ERC1: variants seen among roughly 807,000 people sequenced by gnomAD.
ERC1 encodes RAB6 interacting protein 2.
In ERC1, 56 loss-of-function variants were observed where a neutral mutation model predicts 132.0. That is an observed-to-expected ratio of 0.42 (90% CI 0.34 to 0.53). The LOEUF is 0.53. Ranked by LOEUF, ERC1 falls within the 20% of genes least tolerant of loss-of-function variation. The pLI is 0.03. For missense variants in ERC1, 1,202 were observed against 1,349.9 expected, an observed-to-expected ratio of 0.89 and a Z score of 1.72; for synonymous variants, 478 against 476.1, an observed-to-expected ratio of 1.00 and a Z score of -0.05.
intron 7 of ERC1, among the ~76,000 whole-genome samples, chr12:1,131,087 C>T (rs74057075): frequency 0.03 from 4,545 of 152,208 alleles, 229 homozygotes; most frequent in African/African-American, 0.1. Context: ...TTAAAAATGT[C>T]TCATTCTAAA....
In ERC1 at chr12:1,033,597, A is replaced by G. The variant is rs528700962; in HGVS notation, c.669+5025A>G. Among the ~76,000 whole-genome samples, 6 of 151,218 alleles carry G rather than the reference A, an allele frequency of 4.0e-5. No individual in the cohort carries two copies. The South Asian group carries it at 1.1e-3, about 26-fold the overall frequency. On this transcript the variant is annotated intron_variant, in intron 2 of 18. Transcript: ENST00000360905. Reference sequence around the variant, plus strand: ...TTCTGCCTCACCCTCCCGAGTGGCCAGGATTACAGGCGTGTGCCACCATGC... The same window carrying G: ...TTCTGCCTCACCCTCCCGAGTGGCCGGGATTACAGGCGTGTGCCACCATGC...
intron 2 of ERC1, among the ~76,000 whole-genome samples, chr12:1,081,887 T>A (rs1429174211): frequency 4.6e-5 from 7 of 152,046 alleles, no homozygotes; most frequent in Non-Finnish European, 8.8e-5. Context: ...AGAGTCCATG[T>A]GTCATAATGA....
chr12:1,280,330 G>A (rs982779579), intron 14 of ERC1, among the ~76,000 whole-genome samples: 1 of 152,106 alleles, frequency 6.6e-6, no homozygotes, highest in South Asian at 2.1e-4. Flanking sequence ...AAATGTGCAC[G>A]GTGGGATTTA....
chr12:1,277,921 C>T (rs921342160), intron 14 of ERC1, among the ~76,000 whole-genome samples: 2 of 152,154 alleles, frequency 1.3e-5, no homozygotes, highest in African/African-American at 4.8e-5. Flanking sequence ...GTTGTGTAAT[C>T]AGTTCAGTCT....
At chr12:1,355,603 G>A (rs1185193889) in intron 15 of ERC1, among the ~76,000 whole-genome samples, 1 of 152,178 alleles carries the variant, frequency 6.6e-6, no homozygotes, top group Non-Finnish European at 1.5e-5. Context: ...GAGAAATACT[G>A]ACCTAGAGAA....
chr12:1,143,350 G>A (rs1344677315), intron 8 of ERC1, among the ~76,000 whole-genome samples: 9 of 137,494 alleles, frequency 6.5e-5, no homozygotes, highest in African/African-American at 1.4e-4. Flanking sequence ...GTGTGTGTGT[G>A]TGTGTGTGTG....
chr12:1,349,262 T>A lies in ERC1; in HGVS notation c.2781-22571T>A, dbSNP rs185510796. On this transcript the variant is annotated intron_variant, in intron 15 of 18. Coordinates refer to ENST00000360905, the MANE Select transcript of ERC1 (RefSeq NM_178040.4). ...GAAGAAGCATAAAACAGTGTTAGTA[T>A]GTGACTGACCTTTGGCTTCAAGGCT... 3.9e-4 allele frequency among the ~76,000 whole-genome samples: 60 copies of A among 152,332 alleles called. 1 individual carries two copies. The highest frequency in any genetic ancestry group is 1.3e-3 in the African/African-American group (55 of 41,584).
intron 4 of ERC1, among the ~76,000 whole-genome samples, chr12:1,108,816 C>T (rs73039010): frequency 0.04 from 6,120 of 152,160 alleles, 157 homozygotes; most frequent in Middle Eastern, 0.092. Context: ...TTAAAGGTCA[C>T]GTGATGAGCA....
chr12:1,219,661 A>T (rs777496919), intron 12 of ERC1, among the ~76,000 whole-genome samples: 34 of 91,122 alleles, frequency 3.7e-4, no homozygotes, highest in Non-Finnish European at 6.3e-4. Context: ...TTTTTGAGAC[A>T]GGGTCTCACT....
chr12:1,424,861 G>GCT (rs1279038028), intron 17 of ERC1, among the ~76,000 whole-genome samples: 86 of 92,496 alleles, frequency 9.3e-4, no homozygotes, highest in African/African-American at 3.9e-3. Context: ...TAGATAGATA[G>GCT]ATCGATAGAT....
chr12:1,379,072 A>T lies in ERC1; in HGVS notation c.2925+7095A>T, dbSNP rs554747690. Among the ~76,000 whole-genome samples, 4 of 152,340 alleles carry T rather than the reference A, an allele frequency of 2.6e-5. No individual in the cohort carries two copies. The South Asian group carries it at 6.2e-4, about 24-fold the overall frequency. ...GCTGTAATACACATAGGGAATTTTTAAAATATATGTATTTTAGATTTATGC... is the reference window on the plus strand; with the variant it reads ...GCTGTAATACACATAGGGAATTTTTTAAATATATGTATTTTAGATTTATGC... On this transcript the variant is annotated intron_variant, in intron 16 of 18. Coordinates refer to ENST00000360905, the MANE Select transcript of ERC1 (RefSeq NM_178040.4).
At chr12:1,440,998 A>G (rs902617492) in intron 17 of ERC1, among the ~76,000 whole-genome samples, 2 of 152,002 alleles carry the variant, frequency 1.3e-5, no homozygotes, top group African/African-American at 4.8e-5. Context: ...TCAGAATACC[A>G]GATGCCATCA....
chr12:1,200,782 TCTC>T (rs1239707007), intron 12 of ERC1, among the ~76,000 whole-genome samples: 1 of 151,956 alleles, frequency 6.6e-6, no homozygotes, highest in Non-Finnish European at 1.5e-5. Flanking sequence ...ATGGTCTCGA[TCTC>T]CTGACCTCGT....
intron 15 of ERC1, among the ~76,000 whole-genome samples, chr12:1,351,077 A>G (rs903715808): frequency 1.3e-5 from 2 of 152,120 alleles, no homozygotes. Context: ...CCACCTCCCA[A>G]CACCATCATA....
intron 2 of ERC1, among the ~76,000 whole-genome samples, chr12:1,047,923 G>A (rs1971335643): frequency 6.6e-6 from 1 of 152,136 alleles, no homozygotes; most frequent in African/African-American, 2.4e-5. Context: ...GTGAATTAGG[G>A]TGGGTAAAGG....
chr12:1,387,673 T>G (rs6489284), intron 16 of ERC1, among the ~76,000 whole-genome samples: 1 of 151,894 alleles, frequency 6.6e-6, no homozygotes, highest in Non-Finnish European at 1.5e-5. Context: ...CCACAGTCAC[T>G]GAAGCCAAAA....
At chr12:1,154,464 A>G (rs184079256) in intron 8 of ERC1, among the ~76,000 whole-genome samples, 181 of 152,126 alleles carry the variant, frequency 1.2e-3, no homozygotes, top group African/African-American at 4.2e-3. Context: ...AAAATTCTGG[A>G]AGATAACACA....
intron 12 of ERC1, among the ~76,000 whole-genome samples, chr12:1,233,326 C>T (rs1221801358): frequency 6.6e-6 from 1 of 151,904 alleles, no homozygotes; most frequent in Non-Finnish European, 1.5e-5. Context: ...CAAAAATTAG[C>T]CAGGTGTGGT....
At chr12:1,002,571 A>G (rs574984484) in intron 1 of ERC1, among the ~76,000 whole-genome samples, 4 of 152,142 alleles carry the variant, frequency 2.6e-5, no homozygotes, top group Non-Finnish European at 4.4e-5. Context: ...TAGGATATGC[A>G]TATGTAGAAT....
Sources: gnomAD v4.1 joint callset for allele counts (sites outside exome capture counted in the v4.1 genomes callset) on GRCh38, gnomAD v4.1.1 for gene constraint, MANE v1.5 for transcripts, NCBI Gene and HGNC (gene_info 2026-07-23, HGNC 2026-07-21) for gene names.